BBS5: variants seen among roughly 807,000 people sequenced by gnomAD.
The protein encoded by BBS5 is Bardet-Biedl syndrome 5, also known as BBSome complex member BBS5.
In BBS5, 39 loss-of-function variants were observed where a neutral mutation model predicts 50.2. That is an observed-to-expected ratio of 0.78 (90% CI 0.60 to 1.01). The LOEUF is 1.01. Ranked by LOEUF, BBS5 falls within the 50% of genes least tolerant of loss-of-function variation. The probability of loss-of-function intolerance (pLI) is 0.00; values close to 1 mark genes in which losing one functional copy is unlikely to be tolerated. For missense variants in BBS5, 356 were observed against 401.5 expected (o/e 0.89, Z 0.97); for synonymous variants, 134 against 133.1 (o/e 1.01, Z -0.05).
chr2:169,488,230 C>T, intron 5 of BBS5, 116 bp downstream of exon 5: 3 of 992,032 alleles, frequency 3.0e-6, no homozygotes, highest in Non-Finnish European at 4.7e-6. Flanking sequence ...ACAGTTTTTC[C>T]ACGAATTGGG....
chr2:169,487,951 T>A, intron 4 of BBS5, 36 bp from the exon 5 acceptor site: 2 of 1,612,068 alleles, frequency 1.2e-6, no homozygotes, highest in Non-Finnish European at 1.7e-6. Context: ...AAATTGCTCT[T>A]AAAATCTGAA....
At chr2:169,481,932 G>C (rs574595783) in intron 1 of BBS5, among the ~76,000 whole-genome samples, 6 of 152,152 alleles carry the variant, frequency 3.9e-5, no homozygotes, top group Admixed American at 1.3e-4. Flanking sequence ...TTCCAAGCTT[G>C]GCCAGCCTTC....
chr2:169,500,831 A>T (rs147887495), intron 9 of BBS5, among the ~76,000 whole-genome samples: 1 of 152,014 alleles, frequency 6.6e-6, no homozygotes, highest in Admixed American at 6.5e-5. Context: ...TCTTCCCAAC[A>T]TGCTCTTCTT....
intron 6 of BBS5, 36 bp from the exon 7 acceptor site, chr2:169,493,705 A>G (rs1432214256): frequency 7.1e-7 from 1 of 1,411,892 alleles, no homozygotes; most frequent in Non-Finnish European, 1.0e-6. Flanking sequence ...TACCAAAAAA[A>G]TGATCATTTC....
intron 9 of BBS5, among the ~76,000 whole-genome samples, chr2:169,500,319 G>A (rs570870351): frequency 3.3e-5 from 5 of 152,284 alleles, no homozygotes; most frequent in Admixed American, 6.5e-5. Flanking sequence ...TGCTAGAGGC[G>A]CTAGCTCTGA....
chr2:169,500,984 C>T (rs950018728), intron 9 of BBS5, among the ~76,000 whole-genome samples: 1 of 152,114 alleles, frequency 6.6e-6, no homozygotes, highest in African/African-American at 2.4e-5. Flanking sequence ...CTTATGGTTC[C>T]AAATACCCTT....
Position 169,482,331 on chromosome 2 carries a change from G to T in BBS5, c.140G>T (p.Arg47Ile). 2 of 1,553,742 alleles carry T rather than the reference G, an allele frequency of 1.3e-6. No homozygotes were observed. The highest frequency in any genetic ancestry group is 1.8e-6 in the Non-Finnish European group (2 of 1,125,208). ...IEDTKGNNGD[R>I]GRLLVTNLRI... The stretch of plus-strand genomic sequence containing the variant: ...GACACCAAAGGAAATAATGGAGATA[G>T]AGGTGAGTATATTTTTAAATGTATC... Residue 47 changes from arginine to isoleucine, a missense_variant and splice_region_variant, in exon 2 of 12, where the codon AGA becomes ATA. Physicochemically the swap from Arg to Ile is moderately conservative, Grantham distance 97 (BLOSUM62 -3). Coordinates refer to ENST00000295240, the MANE Select transcript of BBS5 (RefSeq NM_152384.3).
chr2:169,482,299 C>A lies in BBS5; in HGVS notation c.108C>A (p.Ser36=). The A allele has an allele frequency of 6.2e-7, 1 of 1,607,980 alleles. No individual in the cohort carries two copies. The highest frequency in any genetic ancestry group is 8.5e-7 in the Non-Finnish European group (1 of 1,174,698). ...PGEVLIDCLD[S]IEDTKGNNGD... The stretch of plus-strand genomic sequence containing the variant: ...AAGTCCTTATTGATTGTTTAGATTC[C>A]ATTGAAGACACCAAAGGAAATAATG... The change falls in exon 2 of 12, where the codon TCC becomes TCA. Residue 36 remains serine (S), a synonymous_variant. Transcript: ENST00000295240.
rs1471916487 is a variant in BBS5, at chr2:169,499,509, TA to T, written c.709del (p.Ile237Ter). ...AGAGTGGTGGATATGTTCTTGGCTT[TA>T]AAATAGATCCTGTGGAAAAACTACA... ...QQSGGYVLGFKIDPVEKLQES... is the reference protein window; with the variant it reads ...QQSGGYVLGFXIDPVEKLQES... On this transcript the variant is annotated frameshift_variant, in exon 9 of 12. Transcript: ENST00000295240. LOFTEE classifies it high-confidence loss of function. 8.7e-6 allele frequency: 14 copies of T among 1,613,618 alleles called. No homozygotes were observed. Among genetic ancestry groups the T allele is most frequent in the Non-Finnish European group, 1.2e-5 (14 of 1,179,704 alleles).
intron 5 of BBS5, among the ~76,000 whole-genome samples, chr2:169,490,437 C>G (rs1223417714): frequency 6.6e-6 from 1 of 151,638 alleles, no homozygotes; most frequent in Non-Finnish European, 1.5e-5. Context: ...AGGATGGTCT[C>G]GATCTCCTGA....
At chr2:169,481,000 G>A in intron 1 of BBS5, among the ~76,000 whole-genome samples, 1 of 151,960 alleles carries the variant, frequency 6.6e-6, no homozygotes. Flanking sequence ...TTTCTTGTAG[G>A]GTTCTTAATC....
chr2:169,493,919 T>G (rs1683648981), intron 7 of BBS5, 83 bp downstream of exon 7: 1 of 880,024 alleles, frequency 1.1e-6, no homozygotes, highest in Admixed American at 2.1e-5. Context: ...TTTAGATGAG[T>G]TCTTTCTCCC....
chr2:169,482,510 A>G (rs1276644745), intron 2 of BBS5, 177 bp downstream of exon 2: 3 of 591,038 alleles, frequency 5.1e-6, no homozygotes, highest in African/African-American at 1.9e-5. Flanking sequence ...GGTATTAAAC[A>G]TGTAGTTTGG....
At chr2:169,486,979 C>T (rs537332435) in intron 2 of BBS5, 90 bp from the exon 3 acceptor site, 12 of 849,324 alleles carry the variant, frequency 1.4e-5, no homozygotes, top group South Asian at 5.4e-5. Context: ...GCTTCTAATA[C>T]TGGGCCAGAA....
intron 7 of BBS5, among the ~76,000 whole-genome samples, chr2:169,495,115 AG>A (rs1393680201): frequency 2.6e-5 from 4 of 152,204 alleles, no homozygotes; most frequent in Admixed American, 2.6e-4. Context: ...CCTGCCATCA[AG>A]GGGCTTTCAG....
chr2:169,490,863 A>G (rs1683584375), intron 5 of BBS5, among the ~76,000 whole-genome samples: 1 of 152,162 alleles, frequency 6.6e-6, no homozygotes, highest in African/African-American at 2.4e-5. Context: ...TTGTGTCTAT[A>G]TGGATTTGCC....
intron 1 of BBS5, among the ~76,000 whole-genome samples, chr2:169,479,868 G>A (rs1383338322): frequency 6.6e-6 from 1 of 152,228 alleles, no homozygotes; most frequent in South Asian, 2.1e-4. Context: ...CCCCCATCCT[G>A]GCCCGCGGGA....
rs1394851727 is a variant in BBS5 at position 169,505,168 on chromosome 2, G to C, written c.*586G>C. On this transcript the variant is annotated 3_prime_UTR_variant, in exon 12 of 12. Transcript: ENST00000295240. ...GACGGGGTTTCGCTGTGTTGGCCGG[G>C]CTGGTCTCCAGCTCCTAACCGCGAG... The C allele has an allele frequency of 1.6e-6, 1 of 608,516 alleles. No homozygotes were observed. Among genetic ancestry groups the C allele is most frequent in the South Asian group, 1.8e-5 (1 of 55,970 alleles). The allele number at this position is 608,516 out of a possible 1,614,324, so 37.7% of individuals were successfully genotyped here. A position where few individuals can be genotyped will look rare whatever the true frequency, so the allele number is the denominator to read the frequency against.
chr2:169,491,115 T>A (rs1012262947), intron 5 of BBS5, among the ~76,000 whole-genome samples: 1 of 152,234 alleles, frequency 6.6e-6, no homozygotes, highest in South Asian at 2.1e-4. Context: ...TGAATAATGT[T>A]ACTATGAACA....
Sources: allele counts gnomAD v4.1 joint callset (sites outside exome capture counted in the v4.1 genomes callset), GRCh38; gene constraint gnomAD v4.1.1; transcripts MANE v1.5; gene names NCBI Gene and HGNC (gene_info 2026-07-23, HGNC 2026-07-21).